Variants in EEIG1 observed in about 807,000 individuals in gnomAD.
EEIG1 encodes early estrogen-induced gene 1 protein.
the EEIG1 span, among the ~76,000 whole-genome samples, chr9:127,966,434 C>T: frequency 6.6e-6 from 1 of 151,210 alleles, no homozygotes; most frequent in Non-Finnish European, 1.5e-5. Flanking sequence ...ATAGCAAAAC[C>T]CCATCTCCGA....
At chr9:127,951,142 G>A in the EEIG1 span, among the ~76,000 whole-genome samples, 5 of 152,154 alleles carry the variant, frequency 3.3e-5, no homozygotes, top group East Asian at 5.8e-4. Context: ...GAGGGCATGC[G>A]CTAAGAAGGC....
At chr9:127,966,460 G>C in the EEIG1 span, among the ~76,000 whole-genome samples, 1 of 142,606 alleles carries the variant, frequency 7.0e-6, no homozygotes, top group Non-Finnish European at 1.5e-5. Context: ...AAAAAAAAAA[G>C]CCCATGCAGG....
the EEIG1 span, chr9:127,944,247 C>T: frequency 2.9e-6 from 1 of 350,806 alleles, no homozygotes; most frequent in Non-Finnish European, 5.3e-6. Flanking sequence ...ACCCATGAGG[C>T]ATCACCACCA....
chr9:127,972,535 A>G, the EEIG1 span: 1 of 152,316 alleles, frequency 6.6e-6, no homozygotes, highest in African/African-American at 2.4e-5. This position sits in a 1 kb window ranked among gnomAD's most constrained non-coding sequence, Gnocchi z 4.3. Context: ...GGAGGCAGGC[A>G]CCGGCAGCCC....
chr9:127,962,838 G>C, the EEIG1 span, among the ~76,000 whole-genome samples: 24 of 152,224 alleles, frequency 1.6e-4, no homozygotes, highest in African/African-American at 5.5e-4. Flanking sequence ...AGACCAGCCT[G>C]GGCAACATAA....
At chr9:127,958,250 T>C in the EEIG1 span, among the ~76,000 whole-genome samples, 1 of 152,092 alleles carries the variant, frequency 6.6e-6, no homozygotes, top group Non-Finnish European at 1.5e-5. Context: ...AACTATAAAA[T>C]GTTGGAAAAA....
the EEIG1 span, among the ~76,000 whole-genome samples, chr9:127,948,734 C>T: frequency 3.9e-5 from 6 of 152,212 alleles, no homozygotes; most frequent in African/African-American, 1.4e-4. Context: ...TGAGCTTCTC[C>T]ATGGTGAAGC....
chr9:127,963,411 C>T, the EEIG1 span, among the ~76,000 whole-genome samples: 1 of 152,366 alleles, frequency 6.6e-6, no homozygotes, highest in South Asian at 2.1e-4. Context: ...TCCCCCGCTC[C>T]CCGCTGCCAG....
chr9:127,955,641 T>C, the EEIG1 span, among the ~76,000 whole-genome samples: 1 of 152,198 alleles, frequency 6.6e-6, no homozygotes, highest in African/African-American at 2.4e-5. Context: ...GAAGGTGACA[T>C]TCAAGCTCAG....
At chr9:127,945,253 C>T in the EEIG1 span, 1 of 904,894 alleles carries the variant, frequency 1.1e-6, no homozygotes, top group Non-Finnish European at 1.6e-6. This position sits in a 1 kb window ranked among gnomAD's most constrained non-coding sequence, Gnocchi z 6.5. Context: ...CGTCACCACC[C>T]AACCCTCTGA....
At chr9:127,968,473 T>C in the EEIG1 span, among the ~76,000 whole-genome samples, 2 of 152,146 alleles carry the variant, frequency 1.3e-5, no homozygotes, top group African/African-American at 4.8e-5. Flanking sequence ...GCTTCCCCTG[T>C]CGCAAGGATG....
chr9:127,953,872 C>G, the EEIG1 span: 1 of 1,614,034 alleles, frequency 6.2e-7, no homozygotes, highest in South Asian at 1.1e-5. Context: ...ACTCATCTTA[C>G]ACACGAAGGT....
the EEIG1 span, among the ~76,000 whole-genome samples, chr9:127,959,288 T>C: frequency 6.6e-6 from 1 of 152,256 alleles, no homozygotes; most frequent in South Asian, 2.1e-4. Flanking sequence ...AAATGTGTTC[T>C]ATGCATACAA....
the EEIG1 span, among the ~76,000 whole-genome samples, chr9:127,965,494 T>A: frequency 6.6e-6 from 1 of 151,830 alleles, no homozygotes; most frequent in Admixed American, 6.6e-5. Context: ...TGCTCCTGGG[T>A]TCCTGACAGT....
the EEIG1 span, among the ~76,000 whole-genome samples, chr9:127,951,575 G>C: frequency 6.6e-6 from 1 of 152,132 alleles, no homozygotes; most frequent in East Asian, 1.9e-4. Flanking sequence ...CAGCACTTTG[G>C]GAGGCCAAGG....
chr9:127,953,504 A>T, the EEIG1 span: 1 of 1,418,860 alleles, frequency 7.0e-7, no homozygotes, highest in Non-Finnish European at 9.9e-7. Flanking sequence ...AAGGGGCTGG[A>T]GGCTTCCCTT....
the EEIG1 span, among the ~76,000 whole-genome samples, chr9:127,951,048 G>C: frequency 6.6e-6 from 1 of 152,194 alleles, no homozygotes; most frequent in Non-Finnish European, 1.5e-5. Flanking sequence ...GGGGCTGCTG[G>C]GCAGAGTTCA....
chr9:127,943,246 G>A, the EEIG1 span: 4 of 1,614,066 alleles, frequency 2.5e-6, no homozygotes, highest in Non-Finnish European at 3.4e-6. Context: ...CCCTGCAGGT[G>A]AGAGACAGGT....
the EEIG1 span, among the ~76,000 whole-genome samples, chr9:127,966,320 C>A: frequency 6.6e-6 from 1 of 152,054 alleles, no homozygotes; most frequent in Admixed American, 6.5e-5. Context: ...AGGGAAACCC[C>A]ACACAAGCTG....
Sources: gnomAD v4.1 joint callset for allele counts (sites outside exome capture counted in the v4.1 genomes callset) on GRCh38, gnomAD v4.1.1 for gene constraint, Gnocchi (gnomAD v3.1) non-coding constraint, MANE v1.5 for transcripts, NCBI Gene and HGNC (gene_info 2026-07-23, HGNC 2026-07-21) for gene names.